The following RUFY1 variants were observed in gnomAD, a reference collection of about 807,000 sequenced individuals.
RUFY1 encodes RUN and FYVE domain-containing protein 1.
RUFY1 carries 54 observed loss-of-function variants against 94.6 expected under a neutral mutation model. The ratio of observed to expected loss-of-function variants is 0.57; its 90% CI spans 0.46 to 0.72. The LOEUF is 0.72. Among genes scored for constraint, RUFY1 ranks in the 30% least tolerant of loss-of-function variants. The pLI is 0.00. For missense variants in RUFY1, 883 were observed against 883.9 expected, an observed-to-expected ratio of 1.00 and a Z score of 0.01; for synonymous variants, 396 against 347.3, an observed-to-expected ratio of 1.14 and a Z score of -1.56.
chr5:179,569,407 A>G lies in RUFY1; in HGVS notation c.810A>G (p.Gly270=). Reference sequence around the variant, plus strand: ...TCGATGCCAATCTCTGCTTGAAAGGAGAAGACTTGGATTCTCAGGTAAAAT... The same window carrying G: ...TCGATGCCAATCTCTGCTTGAAAGGGGAAGACTTGGATTCTCAGGTAAAAT... ...NVLDANLCLK[G]EDLDSQVGVI... is the part of the protein sequence containing the mutation. Residue 270 remains glycine, a synonymous_variant, in exon 5 of 18, where the codon GGA becomes GGG. Transcript: ENST00000319449. The G allele has an allele frequency of 6.2e-7, 1 of 1,613,602 alleles. No homozygotes were observed.
Position 179,550,793 on chromosome 5 carries a change from G to A in RUFY1, c.224G>A (p.Gly75Glu). ...CTGACCCTGGCACGCAGGGCCACCG[G>A]GAACCTGTCGGCGAGCTGCGGGAGC... is the stretch of plus-strand genomic sequence containing the variant. ...PILTLARRAT[G>E]NLSASCGSAL... Residue 75 changes from glycine (G) to glutamate (E), a missense_variant, in exon 1 of 18, where the codon GGG becomes GAG. Coordinates refer to ENST00000319449, the MANE Select transcript of RUFY1 (RefSeq NM_025158.5). The A allele has an allele frequency of 7.4e-7, 1 of 1,346,076 alleles. No individual in the cohort carries two copies. The allele number at this position is 1,346,076 out of a possible 1,614,324, so 83.4% of individuals were successfully genotyped here. A position where few individuals can be genotyped will look rare whatever the true frequency, so the allele number is the denominator to read the frequency against.
chr5:179,603,265 C>CA (rs11336898), intron 15 of RUFY1, among the ~76,000 whole-genome samples: 19 of 145,964 alleles, frequency 1.3e-4, no homozygotes, highest in African/African-American at 3.5e-4. Context: ...GAATCCATCT[C>CA]AAAAAAAAAA....
rs562776260 is a variant in RUFY1, at chr5:179,597,335, A to G, written c.1631+654A>G. On this transcript the variant is annotated intron_variant, in intron 13 of 17. Coordinates refer to ENST00000319449, the MANE Select transcript of RUFY1 (RefSeq NM_025158.5). ...ACTGCAACCTCTGCCTCCCGGGTTC[A>G]CGCCATTCTCCTGCCTCAGCCTCCC... is the stretch of plus-strand genomic sequence containing the variant. Among the ~76,000 whole-genome samples, 10 of 152,062 alleles carry G rather than the reference A, an allele frequency of 6.6e-5. No individual in the cohort carries two copies. The East Asian group carries it at 1.9e-3, about 29-fold the overall frequency.
intron 6 of RUFY1, among the ~76,000 whole-genome samples, chr5:179,580,304 G>A (rs1463774070): frequency 3.4e-5 from 5 of 148,486 alleles, no homozygotes; most frequent in South Asian, 2.1e-4. Flanking sequence ...GTGCAGTGGC[G>A]CCATCTCGGC....
rs1020503563 is a variant in RUFY1, at chr5:179,591,539, A to T, written c.1129-86A>T. On this transcript the variant is annotated intron_variant, in intron 9 of 17. Transcript: ENST00000319449. ...AAATAAAAATTACCTTACATTTTTTAAAATTGTGGTATATTTTGAAATACT... is the reference window on the plus strand; with the variant it reads ...AAATAAAAATTACCTTACATTTTTTTAAATTGTGGTATATTTTGAAATACT... The T allele has an allele frequency of 1.9e-5, 16 of 850,324 alleles. No homozygotes were observed. In the Admixed American group the frequency reaches 3.1e-4, roughly 16 times the overall value. 52.7% of individuals were successfully genotyped at this position (850,324 alleles called of 1,614,324 possible). A position where few individuals can be genotyped will look rare whatever the true frequency, so the allele number is the denominator to read the frequency against.
At chr5:179,591,277 C>T (rs1016391918) in intron 9 of RUFY1, among the ~76,000 whole-genome samples, 10 of 151,990 alleles carry the variant, frequency 6.6e-5, no homozygotes, top group East Asian at 1.9e-4. Flanking sequence ...CTCTGCCTCC[C>T]GGGTTCACGC....
chr5:179,591,166 A>C (rs945128391), intron 9 of RUFY1, among the ~76,000 whole-genome samples: 1 of 150,490 alleles, frequency 6.6e-6, no homozygotes, highest in East Asian at 2.0e-4. Context: ...CTATTGACTT[A>C]TTCTCATTCT....
intron 9 of RUFY1, chr5:179,590,938 A>G (rs1765031439): frequency 6.6e-6 from 1 of 150,696 alleles, no homozygotes; most frequent in East Asian, 2.0e-4. Context: ...GATTCAAGCG[A>G]TTTTCCTGCC....
At chr5:179,566,418 A>G (rs550835555) in intron 3 of RUFY1, among the ~76,000 whole-genome samples, 1 of 152,150 alleles carries the variant, frequency 6.6e-6, no homozygotes, top group Admixed American at 6.6e-5. Context: ...TAGCCTGGCC[A>G]ACATGGTGGA....
intron 6 of RUFY1, among the ~76,000 whole-genome samples, chr5:179,578,465 T>G (rs1034858675): frequency 3.9e-5 from 6 of 151,966 alleles, no homozygotes; most frequent in African/African-American, 1.5e-4. Context: ...GTGATCCACC[T>G]GCGTCGGCCT....
intron 10 of RUFY1, 46 bp from the exon 11 acceptor site, chr5:179,593,432 C>A: frequency 6.4e-7 from 1 of 1,566,818 alleles, no homozygotes; most frequent in Non-Finnish European, 8.8e-7. Context: ...AAATACATTT[C>A]TGTGATCTAT....
chr5:179,591,916 A>AT (rs1321562683), intron 10 of RUFY1, among the ~76,000 whole-genome samples, 175 bp downstream of exon 10: 1 of 151,782 alleles, frequency 6.6e-6, no homozygotes, highest in African/African-American at 2.4e-5. Context: ...TGTCACTCAT[A>AT]TTTTTTCCCA....
At chr5:179,577,215 A>G in intron 6 of RUFY1, 79 bp downstream of exon 6, 3 of 846,704 alleles carry the variant, frequency 3.5e-6, no homozygotes, top group Non-Finnish European at 5.1e-6. Flanking sequence ...TTTGTCGCCC[A>G]GGCTGGAGTC....
rs763456732 is a variant in RUFY1, at chr5:179,577,115, A to G, written c.869A>G (p.Gln290Arg). ...IDFSLYLKDV[Q>R]DLDGGKEHER... Reference sequence around the variant, plus strand: ...TTTTCCCTCTACCTTAAGGATGTGCAGGATCTTGATGGTGGCAAGGAGTAA... The same window carrying G: ...TTTTCCCTCTACCTTAAGGATGTGCGGGATCTTGATGGTGGCAAGGAGTAA... Residue 290 changes from glutamine (Q) to arginine (R), a missense_variant, in exon 6 of 18, where the codon CAG (glutamine) becomes CGG (arginine). Physicochemically the swap from Gln to Arg is conservative, Grantham distance 43. Transcript: ENST00000319449. 2.6e-6 allele frequency: 4 copies of G among 1,545,308 alleles called. No individual in the cohort carries two copies. In the African/African-American group the frequency reaches 5.6e-5, roughly 22 times the overall value.
chr5:179,558,970 T>G (rs922641670), intron 1 of RUFY1, among the ~76,000 whole-genome samples: 1 of 152,152 alleles, frequency 6.6e-6, no homozygotes, highest in African/African-American at 2.4e-5. Flanking sequence ...GAGCAAGCAA[T>G]TCACAGAAGA....
Position 179,550,645 on chromosome 5 carries a change from C to G in RUFY1, c.76C>G (p.Pro26Ala), listed in dbSNP as rs755009530. Residue 26 changes from proline (P) to alanine (A), a missense_variant, in exon 1 of 18, where the codon CCC becomes GCC. Transcript: ENST00000319449. ...LEPELEPGPG[P>A]GSALEPGEEF... The stretch of plus-strand genomic sequence containing the variant: ...GCCGGAGCTGGAGCCGGGGCCGGGG[C>G]CCGGGTCAGCGCTTGAGCCGGGAGA... The G allele has an allele frequency of 1.6e-5, 23 of 1,423,064 alleles. No individual in the cohort carries two copies. The African/African-American group carries it at 4.3e-4, about 27-fold the overall frequency. 88.2% of individuals were successfully genotyped at this position (1,423,064 alleles called of 1,614,324 possible). A position where few individuals can be genotyped will look rare whatever the true frequency, so the allele number is the denominator to read the frequency against.
chr5:179,573,776 C>G (rs1386933516), intron 5 of RUFY1, among the ~76,000 whole-genome samples: 1 of 152,120 alleles, frequency 6.6e-6, no homozygotes, highest in African/African-American at 2.4e-5. Flanking sequence ...CCCACTTTGG[C>G]CTCCCAAAGT....
At chr5:179,569,651 A>G (rs912660648) in intron 5 of RUFY1, among the ~76,000 whole-genome samples, 2 of 152,202 alleles carry the variant, frequency 1.3e-5, no homozygotes, top group African/African-American at 4.8e-5. Flanking sequence ...ACAGCTCTCC[A>G]TGGCTGGAGT....
chr5:179,564,549 C>T (rs977241623), intron 3 of RUFY1, among the ~76,000 whole-genome samples: 1 of 151,772 alleles, frequency 6.6e-6, no homozygotes, highest in African/African-American at 2.4e-5. Context: ...CCTCAGCCTC[C>T]CAAATAGCTG....
Sources: allele counts gnomAD v4.1 joint callset (sites outside exome capture counted in the v4.1 genomes callset), GRCh38; gene constraint gnomAD v4.1.1; transcripts MANE v1.5; gene names NCBI Gene and HGNC (gene_info 2026-07-23, HGNC 2026-07-21).